HHAT: variants seen among roughly 807,000 people sequenced by gnomAD.
The protein encoded by HHAT is hedgehog acyltransferase, also known as protein-cysteine N-palmitoyltransferase HHAT.
Under a neutral mutation model 70.8 loss-of-function variants are expected in HHAT, and 47 were observed. That is an observed-to-expected ratio of 0.66 (90% confidence interval 0.53 to 0.85). HHAT has a LOEUF of 0.85. Among genes scored for constraint, HHAT ranks in the 40% least tolerant of loss-of-function variants. HHAT has a pLI of 0.00. For missense variants in HHAT, 609 were observed against 604.8 expected (o/e 1.01, Z -0.07); for synonymous variants, 228 against 247.6 (o/e 0.92, Z 0.74).
At chr1:210,580,388 AG>A (rs71823080) in intron 9 of HHAT, among the ~76,000 whole-genome samples, 54,506 of 147,864 alleles carry the variant, frequency 0.37, 10,542 homozygotes, top group East Asian at 0.65. Flanking sequence ...AAAAAAAAAA[AG>A]GGGGGATACG....
At chr1:210,557,781 G>A (rs188653454) in intron 9 of HHAT, among the ~76,000 whole-genome samples, 4 of 152,276 alleles carry the variant, frequency 2.6e-5, no homozygotes, top group Non-Finnish European at 4.4e-5. Context: ...CCCACAACAC[G>A]TGGGAATTCT....
intron 8 of HHAT, among the ~76,000 whole-genome samples, chr1:210,475,605 T>C (rs1389722832): frequency 6.6e-6 from 1 of 152,198 alleles, no homozygotes; most frequent in African/African-American, 2.4e-5. Context: ...ATCCTCTTCT[T>C]TCTCTTTCTT....
chr1:210,599,707 G>A (rs1663812271), intron 10 of HHAT, among the ~76,000 whole-genome samples: 1 of 151,950 alleles, frequency 6.6e-6, no homozygotes, highest in South Asian at 2.1e-4. Flanking sequence ...TAGCTTCTAG[G>A]TAATCCCTTG....
intron 11 of HHAT, among the ~76,000 whole-genome samples, chr1:210,663,659 T>G (rs17188402): frequency 0.017 from 2,523 of 152,264 alleles, 47 homozygotes; most frequent in Middle Eastern, 0.031. Flanking sequence ...TAGAATGCCC[T>G]TCCCCCTGCA....
At chr1:210,512,203 G>T (rs1453119950) in intron 8 of HHAT, among the ~76,000 whole-genome samples, 1 of 152,108 alleles carries the variant, frequency 6.6e-6, no homozygotes. Context: ...CAAATCCCCT[G>T]CTCAGGGCAG....
chr1:210,421,373 T>G (rs577564956), intron 7 of HHAT, among the ~76,000 whole-genome samples: 5 of 152,340 alleles, frequency 3.3e-5, no homozygotes, highest in Admixed American at 1.3e-4. Context: ...TTTTATCTCA[T>G]AGTTTTAATT....
intron 9 of HHAT, among the ~76,000 whole-genome samples, chr1:210,582,863 G>A (rs1659583521): frequency 6.6e-6 from 1 of 152,230 alleles, no homozygotes; most frequent in African/African-American, 2.4e-5. Context: ...GGCTAACAGA[G>A]CTCATTGGCT....
At chr1:210,515,895 T>C (rs1158613887) in intron 9 of HHAT, among the ~76,000 whole-genome samples, 3 of 146,890 alleles carry the variant, frequency 2.0e-5, no homozygotes, top group Admixed American at 1.4e-4. Context: ...TGAAAAAAAA[T>C]AGTGCCTCTA....
intron 8 of HHAT, among the ~76,000 whole-genome samples, chr1:210,474,786 C>G (rs12038838): frequency 0.17 from 25,949 of 150,340 alleles, 2,427 homozygotes; most frequent in East Asian, 0.43. Flanking sequence ...TTGGAGTCCA[C>G]ACTTCTTTTC....
chr1:210,439,291 C>T (rs1263822937), intron 7 of HHAT, among the ~76,000 whole-genome samples: 3 of 151,824 alleles, frequency 2.0e-5, no homozygotes, highest in Admixed American at 2.0e-4. Context: ...GCAGGTCACA[C>T]ATGATAAATC....
intron 9 of HHAT, among the ~76,000 whole-genome samples, chr1:210,568,485 T>C (rs1655315023): frequency 6.6e-6 from 1 of 152,206 alleles, no homozygotes. Context: ...GTTGTTGGCA[T>C]TTTGAACAAA....
intron 4 of HHAT, among the ~76,000 whole-genome samples, chr1:210,399,342 T>C (rs2091953034): frequency 6.6e-6 from 1 of 152,136 alleles, no homozygotes; most frequent in Non-Finnish European, 1.5e-5. Context: ...CAGCAACCTC[T>C]GCCTCCCGAG....
chr1:210,487,560 C>T (rs1008068619), intron 8 of HHAT, among the ~76,000 whole-genome samples: 4 of 152,102 alleles, frequency 2.6e-5, no homozygotes, highest in South Asian at 2.1e-4. Flanking sequence ...TCTCGTATGA[C>T]ACTGAGAGGT....
chr1:210,563,107 T>C (rs550104150), intron 9 of HHAT, among the ~76,000 whole-genome samples: 4 of 152,204 alleles, frequency 2.6e-5, no homozygotes, highest in African/African-American at 9.6e-5. Context: ...TTAACCACTA[T>C]ACTTTGAGGC....
intron 10 of HHAT, among the ~76,000 whole-genome samples, chr1:210,607,652 T>C (rs1449446847): frequency 2.6e-5 from 4 of 152,164 alleles, no homozygotes; most frequent in African/African-American, 9.6e-5. Flanking sequence ...TTCCCACCCA[T>C]GTGCCTTGAC....
chr1:210,372,710 T>C (rs1429139027), intron 3 of HHAT, among the ~76,000 whole-genome samples: 1 of 152,140 alleles, frequency 6.6e-6, no homozygotes, highest in Non-Finnish European at 1.5e-5. Context: ...TAGAGCCTTA[T>C]TAAAGCAAAG....
chr1:210,613,241 TTCA>T (rs1197516344), intron 10 of HHAT, among the ~76,000 whole-genome samples: 1 of 152,166 alleles, frequency 6.6e-6, no homozygotes. Context: ...ATAGTTTTAG[TTCA>T]TCTTTTTAGA....
At chr1:210,451,131 G>A (rs563641185) in intron 7 of HHAT, among the ~76,000 whole-genome samples, 1 of 151,620 alleles carries the variant, frequency 6.6e-6, no homozygotes, top group African/African-American at 2.4e-5. Flanking sequence ...ACTATTTGTG[G>A]AAGTATTTTT....
At chr1:210,508,233 C>T (rs989481426) in intron 8 of HHAT, among the ~76,000 whole-genome samples, 43 of 147,830 alleles carry the variant, frequency 2.9e-4, no homozygotes, top group African/African-American at 5.2e-4. Flanking sequence ...AGCATCACTT[C>T]GTACCCCATA....
Sources: gnomAD v4.1 joint callset for allele counts (sites outside exome capture counted in the v4.1 genomes callset) on GRCh38, gnomAD v4.1.1 for gene constraint, MANE v1.5 for transcripts, NCBI Gene and HGNC (gene_info 2026-07-23, HGNC 2026-07-21) for gene names.